SLC1A7: variants seen among roughly 807,000 people sequenced by gnomAD.
SLC1A7 encodes excitatory amino acid transporter 5.
SLC1A7 carries 40 observed loss-of-function variants against 47.7 expected under a neutral mutation model. The ratio of observed to expected loss-of-function variants is 0.84; its 90% CI spans 0.65 to 1.09. SLC1A7 has a LOEUF of 1.09. Ranked by LOEUF, SLC1A7 falls within the 50% of genes least tolerant of loss-of-function variation. SLC1A7 has a pLI of 0.00. For synonymous variants in SLC1A7, 323 were observed against 325.6 expected, an observed-to-expected ratio of 0.99 and a Z score of 0.09; for missense variants, 746 against 769.5, an observed-to-expected ratio of 0.97 and a Z score of 0.36.
chr1:53,138,131 T>C (rs969578234), intron 1 of SLC1A7, among the ~76,000 whole-genome samples: 9 of 152,186 alleles, frequency 5.9e-5, no homozygotes, highest in Non-Finnish European at 1.3e-4. Flanking sequence ...AAGGTGTTTC[T>C]CCCTTGTCTT....
chr1:53,130,821 T>C (rs918521984), intron 2 of SLC1A7, among the ~76,000 whole-genome samples: 2 of 152,056 alleles, frequency 1.3e-5, no homozygotes, highest in South Asian at 2.1e-4. Context: ...CCAGAGTGGC[T>C]GTTCCTCAAA....
At chr1:53,088,756 C>T in intron 10 of SLC1A7, 121 bp downstream of exon 10, 1 of 731,766 alleles carries the variant, frequency 1.4e-6, no homozygotes, top group Non-Finnish European at 2.4e-6. Flanking sequence ...AGACCGAGGC[C>T]CAGAGGCATG....
At chr1:53,103,218 T>A (rs1400123420) in intron 5 of SLC1A7, 128 bp downstream of exon 5, 8 of 692,604 alleles carry the variant, frequency 1.2e-5, no homozygotes, top group Non-Finnish European at 1.9e-5. Context: ...TGGTGAATAT[T>A]TCCAGTTTTT....
At position 53,108,357 on chromosome 1, in the gene SLC1A7, A is replaced by C. The variant is rs1168882658; in HGVS notation, c.432-2583T>G. 3 of 577,464 alleles carry C rather than the reference A, an allele frequency of 5.2e-6. No individual in the cohort carries two copies. The African/African-American group carries it at 5.7e-5, about 11-fold the overall frequency. 35.8% of individuals were successfully genotyped at this position (577,464 alleles called of 1,614,324 possible). ...CTTATACCTATATAGACATTTCTTT[A>C]CAACTTCCTTTACAATTACAATCAT... On this transcript the variant is annotated intron_variant, in intron 3 of 10. Coordinates refer to ENST00000371494, the MANE Select transcript of SLC1A7 (RefSeq NM_006671.6).
intron 2 of SLC1A7, among the ~76,000 whole-genome samples, chr1:53,117,072 C>T (rs963462472): frequency 6.6e-6 from 1 of 152,144 alleles, no homozygotes; most frequent in African/African-American, 2.4e-5. Flanking sequence ...GGAATCACTT[C>T]GAGCTAGGAA....
chr1:53,136,924 C>T (rs1645006808), intron 1 of SLC1A7, among the ~76,000 whole-genome samples: 1 of 151,928 alleles, frequency 6.6e-6, no homozygotes, highest in Admixed American at 6.6e-5. Context: ...AGCTAGGCCT[C>T]CCAAAGTGCT....
At chr1:53,130,719 T>C (rs958157814) in intron 2 of SLC1A7, among the ~76,000 whole-genome samples, 2 of 152,032 alleles carry the variant, frequency 1.3e-5, no homozygotes, top group African/African-American at 4.8e-5. Context: ...CCCTTTGGGG[T>C]TCTAGCTCAG....
At chr1:53,139,385 G>C (rs1300364848) in intron 1 of SLC1A7, among the ~76,000 whole-genome samples, 1 of 152,208 alleles carries the variant, frequency 6.6e-6, no homozygotes, top group East Asian at 1.9e-4. Context: ...AAGGATGTCT[G>C]TTAATTAGTT....
chr1:53,104,897 C>T (rs1229178194), intron 4 of SLC1A7, among the ~76,000 whole-genome samples: 6 of 152,208 alleles, frequency 3.9e-5, no homozygotes, highest in Non-Finnish European at 8.8e-5. Context: ...ACATTCACCA[C>T]AATTTCGACG....
intron 3 of SLC1A7, among the ~76,000 whole-genome samples, chr1:53,110,848 A>C (rs2150330224): frequency 6.6e-6 from 1 of 152,208 alleles, no homozygotes; most frequent in South Asian, 2.1e-4. Flanking sequence ...GGCCCGTCCT[A>C]GGCCTCTGCA....
chr1:53,111,886 T>G (rs1379934447), intron 3 of SLC1A7, among the ~76,000 whole-genome samples: 2 of 152,126 alleles, frequency 1.3e-5, no homozygotes, highest in Non-Finnish European at 2.9e-5. Flanking sequence ...TCTTTCTGGC[T>G]CCAGACCCTA....
At position 53,114,985 on chromosome 1, in the gene SLC1A7, A is replaced by AG; in HGVS notation, c.216-13dup. On this transcript the variant is annotated splice_polypyrimidine_tract_variant and intron_variant, in intron 2 of 10. Coordinates refer to ENST00000371494, the MANE Select transcript of SLC1A7 (RefSeq NM_006671.6). Reference sequence around the variant, plus strand: ...GTCCGGACATCAAGCTGGGAGGGCGAGGGGGTCAGGGGCTGTGGTGGGGAG... The same window carrying AG: ...GTCCGGACATCAAGCTGGGAGGGCGAGGGGGGTCAGGGGCTGTGGTGGGGAG... The AG allele has an allele frequency of 3.2e-6, 5 of 1,580,334 alleles. No individual in the cohort carries two copies. Among genetic ancestry groups the AG allele is most frequent in the Non-Finnish European group, 4.3e-6 (5 of 1,155,956 alleles).
intron 9 of SLC1A7, 143 bp downstream of exon 9, chr1:53,089,657 G>A (rs1434364672): frequency 2.1e-5 from 17 of 810,190 alleles, no homozygotes; most frequent in Non-Finnish European, 3.4e-5. Context: ...CTGTGCTAAT[G>A]AGTAGGGCAC....
intron 3 of SLC1A7, 50 bp downstream of exon 3, chr1:53,114,708 G>A (rs1191404414): frequency 1.3e-6 from 2 of 1,529,806 alleles, no homozygotes; most frequent in African/African-American, 1.4e-5. Context: ...ACCTGGCAGG[G>A]CAGGCTCGGG....
chr1:53,103,428 C>T lies in SLC1A7; in HGVS notation c.615G>A (p.Pro205=), dbSNP rs1308621002. Residue 205 remains proline (P), a synonymous_variant, in exon 5 of 11, where the codon CCG becomes CCA. Transcript: ENST00000371494. ...GCTCTGACTTGTAAACGACCTCGGG[C>T]GGCGGGGTCAGGTCCAGGGCGAAGT... ...VQNFALDLTP[P]PEVVYKSEPG... 36 of 1,611,896 alleles carry T rather than the reference C, an allele frequency of 2.2e-5. No homozygotes were observed. The highest frequency in any genetic ancestry group is 3.3e-5 in the South Asian group (3 of 90,546).
chr1:53,109,304 A>G (rs1644677675), intron 3 of SLC1A7, among the ~76,000 whole-genome samples: 2 of 152,132 alleles, frequency 1.3e-5, no homozygotes, highest in Non-Finnish European at 2.9e-5. Flanking sequence ...GGAGCTATAA[A>G]TAGAGCCCAG....
intron 4 of SLC1A7, among the ~76,000 whole-genome samples, chr1:53,105,032 T>A (rs563872618): frequency 6.6e-6 from 1 of 152,162 alleles, no homozygotes; most frequent in South Asian, 2.1e-4. Flanking sequence ...AAATATTTCA[T>A]AACCGGGGAA....
At chr1:53,088,493 C>T (rs112367323) in intron 10 of SLC1A7, among the ~76,000 whole-genome samples, 6 of 152,262 alleles carry the variant, frequency 3.9e-5, no homozygotes, top group African/African-American at 1.4e-4. Context: ...CCCTGCCTGA[C>T]CTCAGCTTCT....
chr1:53,088,747 G>T, intron 10 of SLC1A7, 130 bp downstream of exon 10: 2 of 694,024 alleles, frequency 2.9e-6, no homozygotes, highest in Non-Finnish European at 2.6e-6. Flanking sequence ...CGGATGAGGA[G>T]ACCGAGGCCC....
Sources: allele counts gnomAD v4.1 joint callset (sites outside exome capture counted in the v4.1 genomes callset), GRCh38; gene constraint gnomAD v4.1.1; transcripts MANE v1.5; gene names NCBI Gene and HGNC (gene_info 2026-07-23, HGNC 2026-07-21).